The following NCAM1 variants were observed in gnomAD, a reference collection of about 807,000 sequenced individuals.
NCAM1 encodes the protein neural cell adhesion molecule 1.
Under a neutral mutation model 109.8 loss-of-function variants are expected in NCAM1, and 14 were observed. That is an observed-to-expected ratio of 0.13 (90% CI 0.08 to 0.20). The LOEUF (loss-of-function observed/expected upper bound fraction) is 0.20. Among genes scored for constraint, NCAM1 ranks in the 10% least tolerant of loss-of-function variants. The pLI is 1.00. For synonymous variants in NCAM1, 418 were observed against 442.9 expected (o/e 0.94, Z 0.70); for missense variants, 774 against 1,109.9 (o/e 0.70, Z 4.30).
At chr11:113,129,985 C>T (rs1555098042) in intron 1 of NCAM1, among the ~76,000 whole-genome samples, 1 of 152,172 alleles carries the variant, frequency 6.6e-6, no homozygotes, top group Non-Finnish European at 1.5e-5. Context: ...TTTAACAGCA[C>T]TAACAGCACT....
chr11:113,199,119 G>A (rs1943950030), intron 1 of NCAM1, among the ~76,000 whole-genome samples: 1 of 152,152 alleles, frequency 6.6e-6, no homozygotes, highest in Non-Finnish European at 1.5e-5. Flanking sequence ...CAGCTAAGAT[G>A]ATGCAGTATT....
chr11:113,011,960 C>A (rs1591244865), intron 1 of NCAM1, among the ~76,000 whole-genome samples: 1 of 133,826 alleles, frequency 7.5e-6, no homozygotes, highest in Non-Finnish European at 1.6e-5. Flanking sequence ...CTCTCCTTCT[C>A]TCCTTTCCTT....
Position 113,273,082 on chromosome 11 carries a change from C to T in NCAM1, c.2456+1206C>T, listed in dbSNP as rs551773924. The T allele has an allele frequency of 6.1e-5, 28 of 456,746 alleles. No homozygotes were observed. The highest frequency in any genetic ancestry group is 4.0e-4 in the South Asian group (26 of 64,552). 28.3% of individuals were successfully genotyped at this position (456,746 alleles called of 1,614,324 possible). On this transcript the variant is annotated intron_variant, in intron 19 of 19. Transcript: ENST00000316851. The surrounding 1 kb of genome is among the most constrained non-coding windows in gnomAD (Gnocchi z 6.0). ...ACCACCCTGACCTCCAGTATTGCCC[C>T]GCCGGCCACGGCCACGCCTGACTCA...
At chr11:113,023,938 A>G (rs1952466575) in intron 1 of NCAM1, among the ~76,000 whole-genome samples, 1 of 152,100 alleles carries the variant, frequency 6.6e-6, no homozygotes, top group African/African-American at 2.4e-5. Context: ...AAAAAATGGT[A>G]AATCACAGAC....
chr11:113,111,098 G>T (rs932422448), intron 1 of NCAM1, among the ~76,000 whole-genome samples: 3 of 152,158 alleles, frequency 2.0e-5, no homozygotes, highest in Admixed American at 2.0e-4. Context: ...ACAGCTGGGA[G>T]GTTTGCCTTG....
chr11:113,063,872 C>G (rs1937803391), intron 1 of NCAM1, among the ~76,000 whole-genome samples: 1 of 147,652 alleles, frequency 6.8e-6, no homozygotes, highest in African/African-American at 2.7e-5. Context: ...ATATGCCCAT[C>G]ATCAGCATTA....
chr11:113,133,023 G>A (rs1022269017), intron 1 of NCAM1: 1 of 152,178 alleles, frequency 6.6e-6, no homozygotes, highest in African/African-American at 2.4e-5. Context: ...ATTACAAGAA[G>A]AGGAACCCAT....
At chr11:113,112,006 A>G (rs1383582393) in intron 1 of NCAM1, among the ~76,000 whole-genome samples, 1 of 152,218 alleles carries the variant, frequency 6.6e-6, no homozygotes. Context: ...CTCCCAGAAC[A>G]TGGTTGCTTT....
chr11:113,167,911 T>G (rs1015564269), intron 1 of NCAM1, among the ~76,000 whole-genome samples: 1 of 152,112 alleles, frequency 6.6e-6, no homozygotes, highest in South Asian at 2.1e-4. Context: ...GTCCGACAGC[T>G]TGGTTTTCTC....
intron 17 of NCAM1, among the ~76,000 whole-genome samples, chr11:113,267,444 C>G (rs1946155336): frequency 6.6e-6 from 1 of 151,600 alleles, no homozygotes; most frequent in Non-Finnish European, 1.5e-5. Flanking sequence ...GATAAGAGAT[C>G]AGATAAGGCT....
At chr11:113,164,746 C>T (rs1451337989) in intron 1 of NCAM1, among the ~76,000 whole-genome samples, 1 of 152,134 alleles carries the variant, frequency 6.6e-6, no homozygotes, top group Non-Finnish European at 1.5e-5. Flanking sequence ...TGGTCAGCAG[C>T]CCAGAAACCC....
intron 1 of NCAM1, among the ~76,000 whole-genome samples, chr11:113,038,838 T>G (rs1255316622): frequency 6.6e-6 from 1 of 152,308 alleles, no homozygotes; most frequent in East Asian, 1.9e-4. Context: ...TGAGAATCCA[T>G]CAGCTTTTAT....
intron 1 of NCAM1, among the ~76,000 whole-genome samples, chr11:112,970,241 G>T (rs188843483): frequency 6.6e-6 from 1 of 152,278 alleles, no homozygotes; most frequent in East Asian, 1.9e-4. Flanking sequence ...GCAACTGAGC[G>T]TGTGCTGCCT....
rs782813348 is a variant in NCAM1 at position 113,206,206 on chromosome 11, C to T, written c.628+26C>T. The T allele has an allele frequency of 1.8e-5, 28 of 1,574,446 alleles. No homozygotes were observed. In the Admixed American group the frequency reaches 5.0e-4, roughly 28 times the overall value. ...GTGAGGAGAGTCCGTTCTTCCTGAT[C>T]TCTGCATTGCTACAACCTTGGTTCT... On this transcript the variant is annotated intron_variant, in intron 5 of 19. Coordinates refer to ENST00000316851, the MANE Select transcript of NCAM1 (RefSeq NM_181351.5).
intron 16 of NCAM1, among the ~76,000 whole-genome samples, chr11:113,258,049 T>A (rs1355245856): frequency 1.3e-5 from 2 of 152,210 alleles, no homozygotes; most frequent in East Asian, 3.9e-4. Flanking sequence ...GTAAGATAAC[T>A]CCTCATCCAG....
Position 113,233,935 on chromosome 11 carries a change from A to C in NCAM1, c.1693+618A>C, listed in dbSNP as rs1945086259. Among the ~76,000 whole-genome samples, 1 of 152,214 alleles carries C rather than the reference A, an allele frequency of 6.6e-6. No individual in the cohort carries two copies. The highest frequency in any genetic ancestry group is 2.4e-5 in the African/African-American group (1 of 41,454). On this transcript the variant is annotated intron_variant, in intron 13 of 19. Coordinates refer to ENST00000316851, the MANE Select transcript of NCAM1 (RefSeq NM_181351.5). The surrounding 1 kb of genome is among the most constrained non-coding windows in gnomAD (Gnocchi z 4.5). ...TTTTTGGGTTTAATTGGAATAACTC[A>C]GTGAAGTATGTTTTGTTTCTGTACA...
intron 1 of NCAM1, among the ~76,000 whole-genome samples, chr11:113,157,772 A>C (rs1942467057): frequency 6.6e-6 from 1 of 152,190 alleles, no homozygotes; most frequent in Non-Finnish European, 1.5e-5. Context: ...AAAAGTATCA[A>C]GAGGCGCTTT....
intron 1 of NCAM1, among the ~76,000 whole-genome samples, chr11:113,199,768 A>G (rs1943980303): frequency 6.6e-6 from 1 of 151,354 alleles, no homozygotes; most frequent in African/African-American, 2.4e-5. Flanking sequence ...ATGTACCCTA[A>G]AACTTAAAGT....
chr11:113,100,004 A>C (rs1422175362), intron 1 of NCAM1, among the ~76,000 whole-genome samples: 1 of 152,110 alleles, frequency 6.6e-6, no homozygotes, highest in Non-Finnish European at 1.5e-5. Flanking sequence ...TTTTATTTTT[A>C]AGAGGACACA....
Sources: gnomAD v4.1 joint callset for allele counts (sites outside exome capture counted in the v4.1 genomes callset) on GRCh38, gnomAD v4.1.1 for gene constraint, Gnocchi (gnomAD v3.1) non-coding constraint, MANE v1.5 for transcripts, NCBI Gene and HGNC (gene_info 2026-07-23, HGNC 2026-07-21) for gene names.